The following EXOC2 variants were observed in gnomAD, a reference collection of about 807,000 sequenced individuals.
EXOC2 encodes SEC5-like 1.
In EXOC2, 70 loss-of-function variants were observed where a neutral mutation model predicts 131.8. The observed-to-expected ratio is 0.53, with a 90% CI of 0.44 to 0.65. The LOEUF (loss-of-function observed/expected upper bound fraction) is 0.65. Among genes scored for constraint, EXOC2 ranks in the 30% least tolerant of loss-of-function variants. EXOC2 has a pLI of 0.00. For synonymous variants in EXOC2, 411 were observed against 398.4 expected, an observed-to-expected ratio of 1.03 and a Z score of -0.38; for missense variants, 923 against 1,108.6, an observed-to-expected ratio of 0.83 and a Z score of 2.38.
intron 23 of EXOC2, among the ~76,000 whole-genome samples, chr6:524,520 G>A (rs151172106): frequency 1.3e-3 from 193 of 152,206 alleles, no homozygotes; most frequent in African/African-American, 4.1e-3. Context: ...CATGAGGGAC[G>A]CTAGTCTGTA....
chr6:495,214 C>T (rs1335550719), intron 25 of EXOC2, among the ~76,000 whole-genome samples: 1 of 150,778 alleles, frequency 6.6e-6, no homozygotes, highest in African/African-American at 2.4e-5. Context: ...CGAGCTCCAC[C>T]TCCAGGGTTC....
chr6:683,296 T>C (rs544234921), intron 1 of EXOC2, among the ~76,000 whole-genome samples: 19 of 152,314 alleles, frequency 1.2e-4, no homozygotes, highest in African/African-American at 4.6e-4. Flanking sequence ...CTACATATGT[T>C]TATTCAAATA....
At chr6:501,846 A>C (rs1046778535) in intron 23 of EXOC2, among the ~76,000 whole-genome samples, 1 of 151,302 alleles carries the variant, frequency 6.6e-6, no homozygotes, top group Non-Finnish European at 1.5e-5. Context: ...CTTCCTGAGA[A>C]AAAGGATAAT....
chr6:631,363 C>A (rs867124942), intron 3 of EXOC2, among the ~76,000 whole-genome samples: 5 of 152,072 alleles, frequency 3.3e-5, no homozygotes, highest in Admixed American at 2.0e-4. Flanking sequence ...CATGGTGAAA[C>A]CCCATCTCTA....
rs960069852 is a variant in EXOC2 at position 530,997 on chromosome 6, C to T, written c.2380+1472G>A. 2.6e-5 allele frequency among the ~76,000 whole-genome samples: 4 copies of T among 152,158 alleles called. No individual in the cohort carries two copies. The South Asian group carries it at 6.2e-4, about 24-fold the overall frequency. Reference sequence around the variant, plus strand: ...CAGGAGGATGTGCATAGGTTACATGCGAATATGACACCATTTCACACTGGG... The same window carrying T: ...CAGGAGGATGTGCATAGGTTACATGTGAATATGACACCATTTCACACTGGG... On this transcript the variant is annotated intron_variant, in intron 23 of 27. Coordinates refer to ENST00000230449, the MANE Select transcript of EXOC2 (RefSeq NM_018303.6).
chr6:684,585 G>C (rs1244816026), intron 1 of EXOC2, among the ~76,000 whole-genome samples: 2 of 152,074 alleles, frequency 1.3e-5, no homozygotes, highest in Non-Finnish European at 2.9e-5. Context: ...CTTTAATGAA[G>C]CATACAGGGA....
intron 11 of EXOC2, among the ~76,000 whole-genome samples, chr6:578,775 CAG>C (rs1401288742): frequency 6.6e-6 from 1 of 151,810 alleles, no homozygotes; most frequent in Non-Finnish European, 1.5e-5. Flanking sequence ...AAAAATGTGA[CAG>C]AGAAAAAAAA....
Position 485,886 on chromosome 6 carries a change from G to T in EXOC2, c.*785C>A. The T allele has an allele frequency of 6.6e-6, 1 of 152,316 alleles. No individual in the cohort carries two copies. The highest frequency in any genetic ancestry group is 1.5e-5 in the Non-Finnish European group (1 of 68,046). 9.4% of individuals were successfully genotyped at this position (152,316 alleles called of 1,614,324 possible). A position where few individuals can be genotyped will look rare whatever the true frequency, so the allele number is the denominator to read the frequency against. On this transcript the variant is annotated 3_prime_UTR_variant, in exon 28 of 28. Coordinates refer to ENST00000230449, the MANE Select transcript of EXOC2 (RefSeq NM_018303.6). The stretch of plus-strand genomic sequence containing the variant: ...GGACCCTGAAGTCTGCGACCGCCCC[G>T]CCAACACCTCAGAGTGTAACACAGT...
chr6:502,547 A>C (rs148117759), intron 23 of EXOC2, among the ~76,000 whole-genome samples: 18 of 152,292 alleles, frequency 1.2e-4, no homozygotes, highest in Middle Eastern at 3.4e-3. Flanking sequence ...ATTACTAATA[A>C]GACACCCCGT....
intron 1 of EXOC2, among the ~76,000 whole-genome samples, chr6:659,076 G>A (rs1337641597): frequency 6.6e-6 from 1 of 152,116 alleles, no homozygotes. Context: ...ACAGTATCTT[G>A]AAGTCAGTCA....
intron 1 of EXOC2, chr6:670,332 C>A (rs777240573): frequency 3.3e-5 from 5 of 152,108 alleles, no homozygotes; most frequent in Non-Finnish European, 5.9e-5. Flanking sequence ...CTGCCTTGGG[C>A]CAAAAATTTA....
At chr6:639,921 T>C (rs191486380) in intron 1 of EXOC2, among the ~76,000 whole-genome samples, 1 of 152,264 alleles carries the variant, frequency 6.6e-6, no homozygotes, top group East Asian at 1.9e-4. Flanking sequence ...TTACAGACCC[T>C]TCTTCAAAGG....
At chr6:550,451 G>A (rs990719756) in intron 21 of EXOC2, among the ~76,000 whole-genome samples, 2 of 152,016 alleles carry the variant, frequency 1.3e-5, no homozygotes, top group Admixed American at 6.5e-5. Flanking sequence ...AGAGTGTGTA[G>A]CCTATTCACT....
chr6:531,896 A>G (rs1248281950), intron 23 of EXOC2, among the ~76,000 whole-genome samples: 1 of 152,268 alleles, frequency 6.6e-6, no homozygotes, highest in African/African-American at 2.4e-5. Flanking sequence ...AGAAAGCAAT[A>G]GTTATTTTAA....
intron 23 of EXOC2, among the ~76,000 whole-genome samples, chr6:512,266 A>G (rs1047630205): frequency 4.6e-5 from 7 of 152,240 alleles, no homozygotes; most frequent in Non-Finnish European, 8.8e-5. Flanking sequence ...GGGTCCACCC[A>G]TAGGTGGGTT....
intron 1 of EXOC2, among the ~76,000 whole-genome samples, chr6:638,162 T>A (rs1762189483): frequency 6.6e-6 from 1 of 152,176 alleles, no homozygotes; most frequent in African/African-American, 2.4e-5. Flanking sequence ...CATGACTACC[T>A]CTGCTGAACC....
chr6:593,173 A>G lies in EXOC2; in HGVS notation c.1074-586T>C, dbSNP rs559855704. Among the ~76,000 whole-genome samples the G allele has an allele frequency of 7.9e-5, 12 of 152,316 alleles. No homozygotes were observed. The East Asian group carries it at 2.3e-3, about 29-fold the overall frequency. ...CAGTGATCCTATCTACCTGATGAGC[A>G]TTTTTCTTTATATTTATATTTAGTT... On this transcript the variant is annotated intron_variant, in intron 10 of 27. Transcript: ENST00000230449.
At chr6:609,733 G>C (rs374153798) in intron 7 of EXOC2, among the ~76,000 whole-genome samples, 15 of 152,144 alleles carry the variant, frequency 9.9e-5, no homozygotes, top group African/African-American at 3.6e-4. Flanking sequence ...TTAATGCTGG[G>C]AGACGCCTGA....
chr6:570,971 G>C (rs1758246264), intron 13 of EXOC2, among the ~76,000 whole-genome samples: 1 of 152,134 alleles, frequency 6.6e-6, no homozygotes, highest in Admixed American at 6.5e-5. Flanking sequence ...ACCTCAGCAT[G>C]GTGAGCCCCA....
Sources: allele counts gnomAD v4.1 joint callset (sites outside exome capture counted in the v4.1 genomes callset), GRCh38; gene constraint gnomAD v4.1.1; transcripts MANE v1.5; gene names NCBI Gene and HGNC (gene_info 2026-07-23, HGNC 2026-07-21).